The following CHST11 variants were observed in gnomAD, a reference collection of about 807,000 sequenced individuals.
CHST11 encodes C4S-1.
In CHST11, 9 loss-of-function variants were observed where a neutral mutation model predicts 30.4. The observed-to-expected ratio is 0.30, with a 90% CI of 0.18 to 0.52. The LOEUF is 0.52. CHST11 is among the 20% of genes least tolerant of loss of function. The pLI, the probability that CHST11 is intolerant of heterozygous loss-of-function variation, is 0.97. For synonymous variants in CHST11, 152 were observed against 187.8 expected (o/e 0.81, Z 1.56); for missense variants, 348 against 460.6 (o/e 0.76, Z 2.24).
chr12:104,568,957 A>G (rs1231404904), intron 1 of CHST11, among the ~76,000 whole-genome samples: 13 of 152,172 alleles, frequency 8.5e-5, no homozygotes, highest in Non-Finnish European at 1.9e-4. Flanking sequence ...TTAAATACTG[A>G]CTGAATAAAG....
chr12:104,720,599 T>C (rs553029657), intron 2 of CHST11, among the ~76,000 whole-genome samples: 10 of 152,238 alleles, frequency 6.6e-5, no homozygotes, highest in African/African-American at 2.4e-4. Flanking sequence ...CAGCTGCAAA[T>C]TTCAAACAGT....
Position 104,757,008 on chromosome 12 carries a change from G to T in CHST11, c.264G>T (p.Thr88=). Residue 88 remains threonine (T), a synonymous_variant, in exon 3 of 3, where the codon ACG becomes ACT. Transcript: ENST00000303694. The surrounding 1 kb of genome is among the most constrained non-coding windows in gnomAD (Gnocchi z 6.5). The part of the protein sequence containing the change: ...HQMRRDQVTD[T]CRANSATSRK... ...TGCGGCGGGACCAGGTGACAGACAC[G>T]TGCCGAGCCAACAGCGCCACAAGCC... 6.2e-7 allele frequency: 1 copy of T among 1,613,462 alleles called. No homozygotes were observed. The highest frequency in any genetic ancestry group is 8.5e-7 in the Non-Finnish European group (1 of 1,179,936).
At chr12:104,643,671 C>CT (rs1257815517) in intron 2 of CHST11, among the ~76,000 whole-genome samples, 7 of 151,776 alleles carry the variant, frequency 4.6e-5, no homozygotes, top group African/African-American at 1.2e-4. Flanking sequence ...GTTCTCATGA[C>CT]TTTTTTTTGT....
chr12:104,535,491 C>T (rs1349889485), intron 1 of CHST11, among the ~76,000 whole-genome samples: 1 of 152,182 alleles, frequency 6.6e-6, no homozygotes, highest in Non-Finnish European at 1.5e-5. Flanking sequence ...GGCCAGATCT[C>T]ACACTGACTC....
intron 1 of CHST11, among the ~76,000 whole-genome samples, chr12:104,570,115 C>T (rs975306838): frequency 6.6e-6 from 1 of 152,116 alleles, no homozygotes; most frequent in African/African-American, 2.4e-5. Context: ...GGCTGTGATC[C>T]AGCCTATTTG....
chr12:104,722,840 G>T lies in CHST11; in HGVS notation c.205-34109G>T, dbSNP rs140914959. On this transcript the variant is annotated intron_variant, in intron 2 of 2. Coordinates refer to ENST00000303694, the MANE Select transcript of CHST11 (RefSeq NM_018413.6). ...CAAAGTGAGCCAAGACCTTTGTGAG[G>T]CTGAGATGGGGATCACACCTTTCCA... 3.9e-5 allele frequency among the ~76,000 whole-genome samples: 6 copies of T among 152,268 alleles called. No individual in the cohort carries two copies. In the East Asian group the frequency reaches 7.7e-4, roughly 20 times the overall value.
chr12:104,575,751 C>G (rs1363378620), intron 1 of CHST11, among the ~76,000 whole-genome samples: 1 of 152,022 alleles, frequency 6.6e-6, no homozygotes, highest in East Asian at 2.0e-4. Flanking sequence ...GGAGGCTGTT[C>G]TGCAGGCAAC....
At chr12:104,479,938 T>A (rs189791108) in intron 1 of CHST11, among the ~76,000 whole-genome samples, 104 of 152,300 alleles carry the variant, frequency 6.8e-4, no homozygotes, top group African/African-American at 2.5e-3. Flanking sequence ...TCCATCACTT[T>A]TGCTTAAATC....
intron 2 of CHST11, among the ~76,000 whole-genome samples, chr12:104,666,108 G>T (rs7307561): frequency 2.0e-5 from 3 of 151,966 alleles, no homozygotes; most frequent in African/African-American, 4.8e-5. Flanking sequence ...GTGAGCCACC[G>T]CACCCGGCCT....
At chr12:104,591,396 G>T (rs912438785) in intron 1 of CHST11, among the ~76,000 whole-genome samples, 1 of 152,010 alleles carries the variant, frequency 6.6e-6, no homozygotes, top group Non-Finnish European at 1.5e-5. Context: ...AGGGGAAGGC[G>T]ATGATGGCTT....
intron 2 of CHST11, among the ~76,000 whole-genome samples, chr12:104,613,347 A>C (rs10778344): frequency 6.6e-6 from 1 of 152,034 alleles, no homozygotes; most frequent in Non-Finnish European, 1.5e-5. Flanking sequence ...AAAAGAGGGA[A>C]GTTTTCAGCC....
Position 104,587,351 on chromosome 12 carries a change from T to C in CHST11, c.119-14555T>C, listed in dbSNP as rs187919079. On this transcript the variant is annotated intron_variant, in intron 1 of 2. Coordinates refer to ENST00000303694, the MANE Select transcript of CHST11 (RefSeq NM_018413.6). The stretch of plus-strand genomic sequence containing the variant: ...TAAAATGTCATCTATTTACAGTTAT[T>C]TTTGAATACTTCATTTGCCCAATTA... Among the ~76,000 whole-genome samples the C allele has an allele frequency of 3.0e-4, 45 of 152,350 alleles. 1 individual carries two copies. In the East Asian group the frequency reaches 7.1e-3, roughly 24 times the overall value.
intron 2 of CHST11, among the ~76,000 whole-genome samples, chr12:104,611,323 C>T (rs2039057539): frequency 6.6e-6 from 1 of 152,224 alleles, no homozygotes; most frequent in Non-Finnish European, 1.5e-5. Context: ...TCCATTGGGA[C>T]AGGCAGTACA....
chr12:104,648,462 T>C (rs987742781), intron 2 of CHST11, among the ~76,000 whole-genome samples: 3 of 152,182 alleles, frequency 2.0e-5, no homozygotes, highest in Non-Finnish European at 4.4e-5. Flanking sequence ...TAGCAAGGTC[T>C]GGCAGGAAAC....
intron 2 of CHST11, among the ~76,000 whole-genome samples, chr12:104,752,054 TA>T (rs1259269923): frequency 3.3e-5 from 5 of 152,196 alleles, no homozygotes; most frequent in African/African-American, 1.2e-4. Context: ...CTGAGTGGCT[TA>T]AAACTAAGGA....
chr12:104,636,018 G>T (rs1243586951), intron 2 of CHST11, among the ~76,000 whole-genome samples: 4 of 152,198 alleles, frequency 2.6e-5, no homozygotes, highest in Non-Finnish European at 5.9e-5. Flanking sequence ...AACATTTACA[G>T]AGTGTATATT....
chr12:104,575,192 CAAA>C (rs560384722), intron 1 of CHST11, among the ~76,000 whole-genome samples: 1 of 132,122 alleles, frequency 7.6e-6, no homozygotes, highest in African/African-American at 2.8e-5. Context: ...GATCCTGTCT[CAAA>C]AAAAAAAAAA....
intron 1 of CHST11, among the ~76,000 whole-genome samples, chr12:104,533,067 T>C (rs935679698): frequency 4.6e-5 from 7 of 152,162 alleles, no homozygotes; most frequent in Non-Finnish European, 8.8e-5. Context: ...CGCACCACCA[T>C]GTCTTGCTTC....
intron 2 of CHST11, among the ~76,000 whole-genome samples, chr12:104,742,998 G>T (rs1375435459): frequency 6.6e-6 from 1 of 152,220 alleles, no homozygotes; most frequent in East Asian, 1.9e-4. Flanking sequence ...ATGAGGTGGG[G>T]GCTGCGGGTT....
Sources: allele counts gnomAD v4.1 joint callset (sites outside exome capture counted in the v4.1 genomes callset), GRCh38; gene constraint gnomAD v4.1.1; non-coding constraint Gnocchi (gnomAD v3.1); transcripts MANE v1.5; gene names NCBI Gene and HGNC (gene_info 2026-07-23, HGNC 2026-07-21).